Variants in SENP7 observed in about 807,000 individuals in gnomAD.
The protein encoded by SENP7 is sentrin-specific protease 7.
SENP7 carries 64 observed loss-of-function variants against 141.2 expected under a neutral mutation model. The observed-to-expected ratio is 0.45, with a 90% confidence interval of 0.37 to 0.56. SENP7 has a LOEUF of 0.56. SENP7 is among the 20% of genes least tolerant of loss of function. The pLI, the probability that SENP7 is intolerant of heterozygous loss-of-function variation, is 0.00. For missense variants in SENP7, 1,025 were observed against 1,212.2 expected (o/e 0.85, Z 2.29); for synonymous variants, 382 against 426.4 (o/e 0.90, Z 1.28).
At chr3:101,463,398 CATAT>C (rs1257100584) in intron 3 of SENP7, among the ~76,000 whole-genome samples, 6 of 58,692 alleles carry the variant, frequency 1.0e-4, no homozygotes, top group African/African-American at 3.1e-4. Flanking sequence ...TATATATATA[CATAT>C]ATATATATAT....
intron 4 of SENP7, among the ~76,000 whole-genome samples, chr3:101,442,707 A>G (rs2062726442): frequency 6.6e-6 from 1 of 152,256 alleles, no homozygotes; most frequent in Non-Finnish European, 1.5e-5. Flanking sequence ...GTATCATTAA[A>G]AAGAACCAAA....
chr3:101,373,652 C>T (rs151265052), intron 6 of SENP7, among the ~76,000 whole-genome samples: 131 of 152,220 alleles, frequency 8.6e-4, no homozygotes, highest in African/African-American at 3.1e-3. Flanking sequence ...CTTGACTAAA[C>T]GCTAAGCATT....
At chr3:101,346,467 A>G (rs551870414) in intron 13 of SENP7, among the ~76,000 whole-genome samples, 6 of 152,390 alleles carry the variant, frequency 3.9e-5, no homozygotes, top group Admixed American at 3.3e-4. Context: ...ACACGTTTAT[A>G]GCAGCACAAT....
chr3:101,462,325 T>C (rs985673431), intron 3 of SENP7, among the ~76,000 whole-genome samples: 2 of 151,152 alleles, frequency 1.3e-5, no homozygotes, highest in African/African-American at 4.9e-5. Flanking sequence ...GCAGATCACC[T>C]CAGGTCATGA....
At position 101,513,082 on chromosome 3, in the gene SENP7, C is replaced by CT; in HGVS notation, c.40+8dup. 1 of 1,613,794 alleles carries CT rather than the reference C, an allele frequency of 6.2e-7. No homozygotes were observed. The highest frequency in any genetic ancestry group is 8.5e-7 in the Non-Finnish European group (1 of 1,179,818). On this transcript the variant is annotated intron_variant, in intron 1 of 23. Coordinates refer to ENST00000394095, the MANE Select transcript of SENP7 (RefSeq NM_020654.5). ...CAATATGTTCAGCCCTTCTCTGACC[C>CT]TTTCTCACCGGATGAAGATGGCCGT...
chr3:101,511,969 G>A (rs954481297), intron 1 of SENP7, among the ~76,000 whole-genome samples: 3 of 152,052 alleles, frequency 2.0e-5, no homozygotes, highest in Non-Finnish European at 2.9e-5. Context: ...ACAGGCGCCC[G>A]CCACCACGCC....
intron 3 of SENP7, among the ~76,000 whole-genome samples, chr3:101,462,100 G>GAA (rs1217583708): frequency 6.6e-6 from 1 of 152,234 alleles, no homozygotes; most frequent in Non-Finnish European, 1.5e-5. Context: ...ACTAGACAGA[G>GAA]AAAGTGGTTG....
intron 3 of SENP7, among the ~76,000 whole-genome samples, chr3:101,479,288 T>A (rs757123042): frequency 6.6e-6 from 1 of 152,220 alleles, no homozygotes; most frequent in Non-Finnish European, 1.5e-5. Flanking sequence ...CACGATCTTA[T>A]ATTTAGAAAA....
At chr3:101,330,223 C>A (rs2059012621) in intron 20 of SENP7, 111 bp downstream of exon 20, 2 of 669,440 alleles carry the variant, frequency 3.0e-6, no homozygotes, top group Non-Finnish European at 5.1e-6. Context: ...CACAAAGCAG[C>A]ACAATCTAAT....
chr3:101,374,096 TAAAG>T (rs1016322295), intron 6 of SENP7, among the ~76,000 whole-genome samples: 2 of 152,082 alleles, frequency 1.3e-5, no homozygotes, highest in African/African-American at 4.8e-5. Context: ...GGTACTAGAA[TAAAG>T]AGAGACATAT....
chr3:101,499,737 G>A (rs959076633), intron 2 of SENP7, among the ~76,000 whole-genome samples: 12 of 151,988 alleles, frequency 7.9e-5, no homozygotes, highest in South Asian at 2.1e-4. Context: ...GGGTTTCACC[G>A]TGTTAACCAG....
At chr3:101,388,189 G>T (rs2060713305) in intron 6 of SENP7, among the ~76,000 whole-genome samples, 1 of 152,006 alleles carries the variant, frequency 6.6e-6, no homozygotes, top group Admixed American at 6.6e-5. Context: ...CCAAGAACTG[G>T]CCCACCAGGA....
At chr3:101,444,691 A>G (rs1264281671) in intron 4 of SENP7, among the ~76,000 whole-genome samples, 2 of 141,414 alleles carry the variant, frequency 1.4e-5, no homozygotes, top group African/African-American at 5.2e-5. Context: ...GAATTGAACA[A>G]TGAGAACACA....
At chr3:101,453,387 A>G (rs1458758177) in intron 4 of SENP7, among the ~76,000 whole-genome samples, 2 of 152,220 alleles carry the variant, frequency 1.3e-5, no homozygotes, top group Admixed American at 1.3e-4. Flanking sequence ...AAGGATTATA[A>G]ATCATGCTGC....
chr3:101,377,571 G>A (rs985801302), intron 6 of SENP7, among the ~76,000 whole-genome samples: 4 of 152,112 alleles, frequency 2.6e-5, no homozygotes, highest in Non-Finnish European at 5.9e-5. Context: ...TCCCCTCATG[G>A]TTCAGCAGAG....
chr3:101,366,193 T>C (rs2060033722), intron 9 of SENP7, among the ~76,000 whole-genome samples: 1 of 152,238 alleles, frequency 6.6e-6, no homozygotes, highest in Non-Finnish European at 1.5e-5. Flanking sequence ...GTGTACTTAC[T>C]AATCTAAGAA....
chr3:101,376,783 AT>A (rs758696289), intron 6 of SENP7, among the ~76,000 whole-genome samples: 51 of 152,228 alleles, frequency 3.4e-4, no homozygotes, highest in Non-Finnish European at 4.6e-4. Context: ...TTAAAGTATA[AT>A]TTAAAAAAAT....
intron 4 of SENP7, among the ~76,000 whole-genome samples, chr3:101,456,625 A>G (rs2107863482): frequency 1.3e-5 from 2 of 152,326 alleles, no homozygotes; most frequent in South Asian, 4.1e-4. Context: ...CAGAAAATAA[A>G]CTGAAAAAAA....
intron 4 of SENP7, among the ~76,000 whole-genome samples, chr3:101,429,253 G>A (rs920663331): frequency 2.6e-5 from 4 of 152,124 alleles, no homozygotes; most frequent in Non-Finnish European, 2.9e-5. Context: ...GCTTGATAGG[G>A]ATAGCATTGA....
Sources: gnomAD v4.1 joint callset for allele counts (sites outside exome capture counted in the v4.1 genomes callset) on GRCh38, gnomAD v4.1.1 for gene constraint, MANE v1.5 for transcripts, NCBI Gene and HGNC (gene_info 2026-07-23, HGNC 2026-07-21) for gene names.